Variants in SGCZ observed in about 807,000 individuals in gnomAD.
SGCZ encodes zeta-sarcoglycan.
SGCZ carries 40 observed loss-of-function variants against 41.3 expected under a neutral mutation model. That is an observed-to-expected ratio of 0.97 (90% CI 0.75 to 1.26). The LOEUF is 1.26. Ranked by LOEUF, SGCZ falls within the 50% of genes most tolerant of loss-of-function variation. The pLI is 0.00. For missense variants in SGCZ, 552 were observed against 369.8 expected, an observed-to-expected ratio of 1.49 and a Z score of -4.04; for synonymous variants, 206 against 137.5, an observed-to-expected ratio of 1.50 and a Z score of -3.49.
chr8:15,012,415 A>G (rs989030233), intron 1 of SGCZ, among the ~76,000 whole-genome samples: 5 of 150,106 alleles, frequency 3.3e-5, no homozygotes, highest in African/African-American at 9.8e-5. Context: ...GTGAGCTATG[A>G]TCACCTCACT....
chr8:14,301,271 G>T (rs892125173), intron 3 of SGCZ, among the ~76,000 whole-genome samples: 1 of 151,792 alleles, frequency 6.6e-6, no homozygotes, highest in South Asian at 2.1e-4. Context: ...TCTCTTTATA[G>T]AATCTCCTCT....
intron 1 of SGCZ, among the ~76,000 whole-genome samples, chr8:15,006,142 A>C (rs552781388): frequency 6.6e-6 from 1 of 152,294 alleles, no homozygotes; most frequent in Non-Finnish European, 1.5e-5. Flanking sequence ...GAGAGGAATA[A>C]ATACAAAACA....
intron 1 of SGCZ, among the ~76,000 whole-genome samples, chr8:15,131,719 C>T (rs918274831): frequency 1.3e-5 from 2 of 152,032 alleles, no homozygotes; most frequent in African/African-American, 4.8e-5. Flanking sequence ...TAATAGCAAC[C>T]AGCTCTGTTC....
At chr8:14,766,783 G>T (rs1585242675) in intron 1 of SGCZ, among the ~76,000 whole-genome samples, 1 of 116,046 alleles carries the variant, frequency 8.6e-6, no homozygotes, top group Middle Eastern at 6.8e-3. Flanking sequence ...TTGCCACGTT[G>T]CCCAGGCTGG....
intron 1 of SGCZ, among the ~76,000 whole-genome samples, chr8:14,893,605 G>A (rs1038907386): frequency 2.6e-5 from 4 of 152,094 alleles, no homozygotes; most frequent in Admixed American, 2.6e-4. Context: ...ATAATTTTAG[G>A]AATTTCTCAT....
chr8:14,272,639 G>A (rs1000696901), intron 3 of SGCZ, among the ~76,000 whole-genome samples: 2 of 152,150 alleles, frequency 1.3e-5, no homozygotes, highest in African/African-American at 2.4e-5. Context: ...ACTTAAACGT[G>A]TCCTGGTGTG....
chr8:14,652,777 C>A (rs1807446511), intron 1 of SGCZ, among the ~76,000 whole-genome samples: 1 of 152,050 alleles, frequency 6.6e-6, no homozygotes, highest in Admixed American at 6.6e-5. Context: ...TGACTACATG[C>A]ATAGAAGTTC....
At chr8:14,320,102 A>G (rs927722567) in intron 3 of SGCZ, among the ~76,000 whole-genome samples, 8 of 151,868 alleles carry the variant, frequency 5.3e-5, no homozygotes, top group Non-Finnish European at 1.2e-4. Context: ...ATGAAATGTT[A>G]ACAGTATTTT....
chr8:14,317,264 A>C (rs149085388), intron 3 of SGCZ, among the ~76,000 whole-genome samples: 202 of 152,148 alleles, frequency 1.3e-3, no homozygotes, highest in Middle Eastern at 3.4e-3. Context: ...TCATCTAACA[A>C]CTATAACAGT....
intron 2 of SGCZ, among the ~76,000 whole-genome samples, chr8:14,416,714 G>T (rs984816079): frequency 6.6e-6 from 1 of 151,824 alleles, no homozygotes; most frequent in Non-Finnish European, 1.5e-5. Context: ...TGTAGGAAAC[G>T]TGTGGCAGCA....
In SGCZ at chr8:15,233,729, T is replaced by A. The variant is rs79638388; in HGVS notation, c.39+3856A>T. ...TCAAGATTAACTATGTAGTTTGTAA[T>A]TTTTGTAACGTGCAAAATAATTAAG... On this transcript the variant is annotated intron_variant, in intron 1 of 7. Coordinates refer to ENST00000382080, the MANE Select transcript of SGCZ (RefSeq NM_139167.4). Among the ~76,000 whole-genome samples, 720 of 152,246 alleles carry A rather than the reference T, an allele frequency of 4.7e-3. 2 individuals carry two copies. The highest frequency in any genetic ancestry group is 0.01 in the Middle Eastern group (3 of 294).
At chr8:14,928,629 T>C (rs1025419443) in intron 1 of SGCZ, among the ~76,000 whole-genome samples, 19 of 152,326 alleles carry the variant, frequency 1.2e-4, no homozygotes, top group Admixed American at 1.1e-3. Flanking sequence ...TGTGGAGAAT[T>C]ATATTACTGG....
At chr8:14,556,600 C>T (rs1173950162) in intron 1 of SGCZ, among the ~76,000 whole-genome samples, 1 of 151,984 alleles carries the variant, frequency 6.6e-6, no homozygotes, top group Admixed American at 6.6e-5. Flanking sequence ...CTCACCATTT[C>T]CCCCTGAGTG....
At chr8:14,590,939 A>G (rs1805221415) in intron 1 of SGCZ, among the ~76,000 whole-genome samples, 1 of 150,442 alleles carries the variant, frequency 6.6e-6, no homozygotes, top group African/African-American at 2.4e-5. Context: ...GTGCTATATA[A>G]TGTATATAAT....
chr8:15,030,842 T>G (rs1803634717), intron 1 of SGCZ, among the ~76,000 whole-genome samples: 2 of 152,138 alleles, frequency 1.3e-5, no homozygotes, highest in African/African-American at 2.4e-5. Flanking sequence ...GAAGGGCTAT[T>G]TGAGGCAAAG....
rs182741091 is a variant in SGCZ, at chr8:14,568,978, T to A, written c.40-14052A>T. Among the ~76,000 whole-genome samples the A allele has an allele frequency of 5.3e-5, 8 of 152,318 alleles. No homozygotes were observed. In the East Asian group the frequency reaches 1.5e-3, roughly 29 times the overall value. ...TATTCCACAGTTATAGACATTTTTTTATTTGGAAATTGGAAAAGCTGTACC... is the reference window on the plus strand; with the variant it reads ...TATTCCACAGTTATAGACATTTTTTAATTTGGAAATTGGAAAAGCTGTACC... On this transcript the variant is annotated intron_variant, in intron 1 of 7. Transcript: ENST00000382080.
chr8:14,235,347 G>A (rs952502191), intron 4 of SGCZ, among the ~76,000 whole-genome samples: 1 of 152,162 alleles, frequency 6.6e-6, no homozygotes, highest in Non-Finnish European at 1.5e-5. Flanking sequence ...TTAAGTGTAA[G>A]CCTCAGTAGA....
intron 1 of SGCZ, among the ~76,000 whole-genome samples, chr8:15,082,405 T>TAC (rs1462045026): frequency 2.2e-4 from 32 of 147,724 alleles, no homozygotes; most frequent in African/African-American, 3.4e-4. Context: ...TACACACATA[T>TAC]ACACACACAC....
intron 1 of SGCZ, among the ~76,000 whole-genome samples, chr8:14,724,172 C>T (rs1809978662): frequency 6.6e-6 from 1 of 152,050 alleles, no homozygotes; most frequent in Non-Finnish European, 1.5e-5. Flanking sequence ...AGAACAAAGG[C>T]TTTCCAGTAT....
Sources: gnomAD v4.1 joint callset for allele counts (sites outside exome capture counted in the v4.1 genomes callset) on GRCh38, gnomAD v4.1.1 for gene constraint, MANE v1.5 for transcripts, NCBI Gene and HGNC (gene_info 2026-07-23, HGNC 2026-07-21) for gene names.